Variants in FAAH observed in about 807,000 individuals in gnomAD.
FAAH encodes the protein fatty acid amide hydrolase, also known as fatty-acid amide hydrolase 1.
Under a neutral mutation model 69.7 loss-of-function variants are expected in FAAH, and 63 were observed. The observed-to-expected ratio is 0.90, with a 90% CI of 0.74 to 1.12. The LOEUF (loss-of-function observed/expected upper bound fraction) is 1.12. FAAH is among the 50% of genes most tolerant of loss of function. FAAH has a pLI of 0.00. For missense variants in FAAH, 680 were observed against 755.0 expected (o/e 0.90, Z 1.16); for synonymous variants, 305 against 324.2 (o/e 0.94, Z 0.64).
Position 46,405,919 on chromosome 1 carries a change from C to T in FAAH, c.786-119C>T. 1 of 1,611,190 alleles carries T rather than the reference C, an allele frequency of 6.2e-7. No homozygotes were observed. The highest frequency in any genetic ancestry group is 8.5e-7 in the Non-Finnish European group (1 of 1,179,456). ...TTGCTGGGAGGAAGCATTACAGTAC[C>T]ACTGGCCGGGCGTGGGTCCTAGTTT... is the stretch of plus-strand genomic sequence containing the variant. On this transcript the variant is annotated intron_variant, in intron 5 of 14. Coordinates refer to ENST00000243167, the MANE Select transcript of FAAH (RefSeq NM_001441.3). This position sits in a 1 kb window ranked among gnomAD's most constrained non-coding sequence, Gnocchi z 4.1.
intron 13 of FAAH, 41 bp downstream of exon 13, chr1:46,412,292 C>A: frequency 6.7e-7 from 1 of 1,489,754 alleles, no homozygotes; most frequent in South Asian, 1.2e-5. Flanking sequence ...GTGAATCTGG[C>A]CATGTGCCCT....
chr1:46,402,397 G>GTGTATGTA (rs775902943), intron 2 of FAAH, among the ~76,000 whole-genome samples, 193 bp downstream of exon 2: 1 of 152,260 alleles, frequency 6.6e-6, no homozygotes. Context: ...GTGTGCGTGT[G>GTGTATGTA]TGTATGTATG....
At position 46,413,548 on chromosome 1, in the gene FAAH, G is replaced by T; in HGVS notation, c.1713G>T (p.Leu571=). The change falls in exon 15 of 15, where the codon CTG becomes CTT. Residue 571 remains leucine (L), a synonymous_variant. Coordinates refer to ENST00000243167, the MANE Select transcript of FAAH (RefSeq NM_001441.3). ...GGTTCATGCGGGAGGTGGAGCGACT[G>T]ATGACCCCTGAAAAGCAGTCATCCT... is the stretch of plus-strand genomic sequence containing the variant. ...CLRFMREVER[L]MTPEKQSS is the part of the protein sequence containing the mutation. 5.6e-6 allele frequency: 9 copies of T among 1,614,100 alleles called. No homozygotes were observed. Among genetic ancestry groups the T allele is most frequent in the Middle Eastern group, 1.6e-4 (1 of 6,062 alleles).
chr1:46,403,879 C>T (rs1664746544), intron 2 of FAAH, among the ~76,000 whole-genome samples: 1 of 152,208 alleles, frequency 6.6e-6, no homozygotes. Flanking sequence ...AACCTTAGTG[C>T]TCAACATGTT....
chr1:46,412,280 CTGTGAATCTGGCCA>C (rs1216633901), intron 13 of FAAH, 29 bp downstream of exon 13: 19 of 1,521,048 alleles, frequency 1.2e-5, no homozygotes, highest in Non-Finnish European at 1.7e-5. Context: ...CCTGTCCCTT[CTGTGAATCTGGCCA>C]TGTGCCCTGC....
Position 46,412,174 on chromosome 1 carries a change from G to T in FAAH, c.1388G>T (p.Arg463Met). ...VYRKTVIAQW[R>M]ALDLDVVLTP... ...CGCAAAACCGTGATTGCCCAGTGGAGGGCGCTGGACCTGGATGTGGTGCTG... is the reference window on the plus strand; with the variant it reads ...CGCAAAACCGTGATTGCCCAGTGGATGGCGCTGGACCTGGATGTGGTGCTG... Residue 463 changes from arginine (R) to methionine (M), a missense_variant, in exon 13 of 15, where the codon AGG (arginine) becomes ATG (methionine). Coordinates refer to ENST00000243167, the MANE Select transcript of FAAH (RefSeq NM_001441.3). 6.4e-7 allele frequency: 1 copy of T among 1,563,462 alleles called. No individual in the cohort carries two copies. Among genetic ancestry groups the T allele is most frequent in the Non-Finnish European group, 8.7e-7 (1 of 1,153,700 alleles).
chr1:46,412,311 G>T (rs1303291861), intron 13 of FAAH, 60 bp downstream of exon 13: 3 of 1,397,952 alleles, frequency 2.1e-6, no homozygotes, highest in Admixed American at 2.0e-5. Context: ...CTGCAGGGCT[G>T]CGAGGAAATG....
At chr1:46,397,649 C>T (rs1309700298) in intron 1 of FAAH, among the ~76,000 whole-genome samples, 1 of 152,114 alleles carries the variant, frequency 6.6e-6, no homozygotes, top group Non-Finnish European at 1.5e-5. Context: ...GCAACCTCTG[C>T]CTCCCAGGTT....
intron 7 of FAAH, 60 bp from the exon 8 acceptor site, chr1:46,408,399 G>A: frequency 6.2e-7 from 1 of 1,612,444 alleles, no homozygotes; most frequent in East Asian, 2.2e-5. Context: ...TGATCTCTAG[G>A]GGTCCTGCCT....
At chr1:46,397,694 T>C (rs1557756172) in intron 1 of FAAH, among the ~76,000 whole-genome samples, 1 of 151,910 alleles carries the variant, frequency 6.6e-6, no homozygotes, top group African/African-American at 2.4e-5. Flanking sequence ...CCCGAGTAGC[T>C]GGGATTACAG....
intron 1 of FAAH, among the ~76,000 whole-genome samples, chr1:46,398,521 G>A (rs1664639666): frequency 6.6e-6 from 1 of 151,824 alleles, no homozygotes; most frequent in Admixed American, 6.6e-5. Flanking sequence ...TGGACAAAGC[G>A]ATTTGGCAAC....
chr1:46,408,966 CT>C (rs1664850294), intron 8 of FAAH, 134 bp from the exon 9 acceptor site: 2 of 758,498 alleles, frequency 2.6e-6, no homozygotes, highest in East Asian at 5.3e-5. Flanking sequence ...GTCAGTAAGG[CT>C]GCCTTTGTAG....
intron 1 of FAAH, among the ~76,000 whole-genome samples, chr1:46,395,941 CAG>C (rs1003835111): frequency 1.3e-5 from 2 of 152,158 alleles, no homozygotes; most frequent in Non-Finnish European, 2.9e-5. Context: ...AAATAAGACA[CAG>C]AGACAAAGTA....
Position 46,405,667 on chromosome 1 carries a change from G to T in FAAH, c.658G>T (p.Gly220Cys). 4 of 1,613,578 alleles carry T rather than the reference G, an allele frequency of 2.5e-6. No homozygotes were observed. The South Asian group carries it at 4.4e-5, about 18-fold the overall frequency. ...SSKSPGGSSG[G>C]EGALIGSGGS... ...CAAAAGCCCAGGGGGCTCCTCAGGGGGTGAAGGGGCCCTCATCGGGTCTGG... is the reference window on the plus strand; with the variant it reads ...CAAAAGCCCAGGGGGCTCCTCAGGGTGTGAAGGGGCCCTCATCGGGTCTGG... Residue 220 changes from glycine to cysteine, a missense_variant, in exon 5 of 15, where the codon GGT becomes TGT. Transcript: ENST00000243167. The surrounding 1 kb of genome is among the most constrained non-coding windows in gnomAD (Gnocchi z 4.1).
chr1:46,400,677 G>A (rs1171443691), intron 1 of FAAH, among the ~76,000 whole-genome samples: 1 of 148,438 alleles, frequency 6.7e-6, no homozygotes, highest in Non-Finnish European at 1.5e-5. Context: ...GGACAGGGAA[G>A]GTGGACAGGT....
intron 7 of FAAH, among the ~76,000 whole-genome samples, 200 bp from the exon 8 acceptor site, chr1:46,408,259 G>A (rs1664836265): frequency 6.6e-6 from 1 of 152,186 alleles, no homozygotes; most frequent in Non-Finnish European, 1.5e-5. Flanking sequence ...CATATGACCA[G>A]TAGGAATCCT....
intron 2 of FAAH, 69 bp downstream of exon 2, chr1:46,402,273 C>G (rs1032570999): frequency 7.7e-7 from 1 of 1,294,880 alleles, no homozygotes; most frequent in Non-Finnish European, 1.1e-6. Flanking sequence ...CCTCCCTTTC[C>G]CCTCCCTCTG....
chr1:46,406,187 T>C, intron 6 of FAAH, 57 bp from the exon 7 acceptor site: 2 of 1,613,942 alleles, frequency 1.2e-6, no homozygotes, highest in Non-Finnish European at 1.7e-6. Context: ...CAGGCTGCTC[T>C]AGGTCTGGGT....
Position 46,405,070 on chromosome 1 carries a change from G to A in FAAH, c.366G>A (p.Glu122=). ...TGACCTCCTATCTGGCTGACTGTGA[G>A]ACTCAGCTGTCTCAGGCCCCAAGGC... is the stretch of plus-strand genomic sequence containing the variant. ...NCVTSYLADC[E]TQLSQAPRQG... Residue 122 remains glutamate, a synonymous_variant, in exon 3 of 15, where the codon GAG becomes GAA. Coordinates refer to ENST00000243167, the MANE Select transcript of FAAH (RefSeq NM_001441.3). The surrounding 1 kb of genome is among the most constrained non-coding windows in gnomAD (Gnocchi z 4.1). The A allele has an allele frequency of 6.2e-7, 1 of 1,614,070 alleles. No individual in the cohort carries two copies. Among genetic ancestry groups the A allele is most frequent in the Non-Finnish European group, 8.5e-7 (1 of 1,180,024 alleles).
Sources: allele counts gnomAD v4.1 joint callset (sites outside exome capture counted in the v4.1 genomes callset), GRCh38; gene constraint gnomAD v4.1.1; non-coding constraint Gnocchi (gnomAD v3.1); transcripts MANE v1.5; gene names NCBI Gene and HGNC (gene_info 2026-07-23, HGNC 2026-07-21).